Variants in ENOX1 observed in about 807,000 individuals in gnomAD.
ENOX1 encodes the protein candidate growth-related and time keeping constitutive hydroquinone (NADH) oxidase.
Under a neutral mutation model 82.5 loss-of-function variants are expected in ENOX1, and 42 were observed. That is an observed-to-expected ratio of 0.51 (90% confidence interval 0.40 to 0.66). ENOX1 has a LOEUF of 0.66. ENOX1 is among the 30% of genes least tolerant of loss of function. ENOX1 has a pLI of 0.00. For synonymous variants in ENOX1, 271 were observed against 282.2 expected (o/e 0.96, Z 0.40); for missense variants, 608 against 811.6 (o/e 0.75, Z 3.05).
At chr13:43,264,451 T>C (rs772862013) in intron 14 of ENOX1, among the ~76,000 whole-genome samples, 1 of 152,206 alleles carries the variant, frequency 6.6e-6, no homozygotes, top group Admixed American at 6.5e-5. Flanking sequence ...AGCACACAAG[T>C]CCTCAATAAA....
At chr13:43,690,884 T>G (rs898703672) in intron 1 of ENOX1, among the ~76,000 whole-genome samples, 6 of 152,186 alleles carry the variant, frequency 3.9e-5, no homozygotes, top group Non-Finnish European at 7.3e-5. Context: ...TTTTAGAACC[T>G]CTCAGCTAGT....
chr13:43,317,517 G>A (rs1310827953), intron 11 of ENOX1, among the ~76,000 whole-genome samples: 1 of 151,550 alleles, frequency 6.6e-6, no homozygotes, highest in East Asian at 1.9e-4. Context: ...AAATCAATGG[G>A]ATGGTCAGAG....
intron 2 of ENOX1, among the ~76,000 whole-genome samples, chr13:43,614,560 G>GTTT (rs2082328056): frequency 9.2e-5 from 1 of 10,820 alleles, no homozygotes. Context: ...TTTTTTTTTA[G>GTTT]CACTTGCTTA....
intron 14 of ENOX1, among the ~76,000 whole-genome samples, chr13:43,244,810 C>T (rs1045584675): frequency 6.6e-6 from 1 of 152,176 alleles, no homozygotes; most frequent in Non-Finnish European, 1.5e-5. Context: ...GGCTCGTTTT[C>T]CTTCCCTGCC....
intron 5 of ENOX1, among the ~76,000 whole-genome samples, chr13:43,367,647 C>G (rs1377739983): frequency 1.3e-5 from 2 of 150,474 alleles, no homozygotes; most frequent in Non-Finnish European, 2.9e-5. Context: ...GCCCCCAGAA[C>G]TGCAAGACAA....
intron 2 of ENOX1, among the ~76,000 whole-genome samples, chr13:43,520,283 A>G (rs1048876189): frequency 6.6e-6 from 1 of 152,060 alleles, no homozygotes; most frequent in Admixed American, 6.6e-5. Flanking sequence ...CCCTTCCCCA[A>G]CAAACTTTAC....
rs532075068 is a variant in ENOX1 at position 43,342,066 on chromosome 13, C to G, written c.1036+2472G>C. ...ACAACTATCCAGGTAAAGCGAATAG[C>G]ACCAGAGAGACCTCAGACCTGGCAG... On this transcript the variant is annotated intron_variant, in intron 9 of 16. Transcript: ENST00000690772. Among the ~76,000 whole-genome samples the G allele has an allele frequency of 4.0e-4, 61 of 152,296 alleles. 1 individual carries two copies. The highest frequency in any genetic ancestry group is 1.3e-3 in the African/African-American group (54 of 41,558).
At chr13:43,426,219 A>G (rs556644207) in intron 3 of ENOX1, among the ~76,000 whole-genome samples, 41 of 152,334 alleles carry the variant, frequency 2.7e-4, no homozygotes, top group African/African-American at 9.6e-4. Flanking sequence ...GGAAAAGAAG[A>G]AGGAGGCATG....
intron 1 of ENOX1, among the ~76,000 whole-genome samples, chr13:43,702,698 A>C (rs7324129): frequency 0.13 from 19,104 of 151,990 alleles, 2,279 homozygotes; most frequent in African/African-American, 0.3. Context: ...TGCCTGTAAT[A>C]CCAACATTTT....
chr13:43,655,344 C>A (rs1367680834), intron 2 of ENOX1, among the ~76,000 whole-genome samples: 22 of 151,818 alleles, frequency 1.4e-4, no homozygotes. Context: ...ATCTTCTGGT[C>A]ACTTTGCTTT....
intron 5 of ENOX1, among the ~76,000 whole-genome samples, chr13:43,382,265 T>C (rs1269185693): frequency 6.6e-6 from 1 of 152,144 alleles, no homozygotes; most frequent in Non-Finnish European, 1.5e-5. Flanking sequence ...ACACACACGA[T>C]CATCTCAATA....
intron 1 of ENOX1, among the ~76,000 whole-genome samples, chr13:43,706,787 C>A (rs1342474381): frequency 6.6e-6 from 1 of 151,862 alleles, no homozygotes; most frequent in Non-Finnish European, 1.5e-5. Flanking sequence ...ACTCTAATAT[C>A]ACAATTAATG....
chr13:43,450,053 G>A (rs920723175), intron 3 of ENOX1, among the ~76,000 whole-genome samples: 11 of 152,298 alleles, frequency 7.2e-5, no homozygotes, highest in Admixed American at 5.2e-4. Flanking sequence ...TTTCGGAAGC[G>A]TCCAAAGCTT....
At chr13:43,378,668 A>C (rs1318196471) in intron 5 of ENOX1, among the ~76,000 whole-genome samples, 1 of 152,206 alleles carries the variant, frequency 6.6e-6, no homozygotes, top group Non-Finnish European at 1.5e-5. Context: ...AGCAAGCCTC[A>C]AAAGGTTCAA....
intron 3 of ENOX1, among the ~76,000 whole-genome samples, chr13:43,471,884 G>GAT (rs1487542145): frequency 1.3e-5 from 2 of 151,830 alleles, no homozygotes; most frequent in African/African-American, 4.8e-5. Flanking sequence ...TGGACAGAGG[G>GAT]ATAGAATGAT....
At chr13:43,404,097 T>C (rs2053650003) in intron 5 of ENOX1, among the ~76,000 whole-genome samples, 1 of 152,120 alleles carries the variant, frequency 6.6e-6, no homozygotes. Flanking sequence ...CCTCCCCTCT[T>C]GCCATTCTTC....
intron 14 of ENOX1, among the ~76,000 whole-genome samples, chr13:43,245,867 T>C (rs1470050566): frequency 6.6e-6 from 1 of 152,220 alleles, no homozygotes; most frequent in Non-Finnish European, 1.5e-5. Flanking sequence ...AATTGCCGGA[T>C]CGGAAGCACA....
At chr13:43,292,773 G>T (rs1402458146) in intron 12 of ENOX1, among the ~76,000 whole-genome samples, 2 of 149,724 alleles carry the variant, frequency 1.3e-5, no homozygotes, top group African/African-American at 4.9e-5. Context: ...TTGCCACTAT[G>T]GCCCCTTCAC....
At chr13:43,426,785 C>T (rs2055332949) in intron 3 of ENOX1, among the ~76,000 whole-genome samples, 2 of 152,118 alleles carry the variant, frequency 1.3e-5, no homozygotes, top group South Asian at 4.1e-4. Flanking sequence ...TTTGTGTACT[C>T]ATCCAAGATA....
Sources: allele counts gnomAD v4.1 joint callset (sites outside exome capture counted in the v4.1 genomes callset), GRCh38; gene constraint gnomAD v4.1.1; transcripts MANE v1.5; gene names NCBI Gene and HGNC (gene_info 2026-07-23, HGNC 2026-07-21).